Variants in MINDY4 observed in about 807,000 individuals in gnomAD.
MINDY4 encodes MINDY lysine 48 deubiquitinase 4, also known as probable ubiquitin carboxyl-terminal hydrolase MINDY-4.
MINDY4 carries 68 observed loss-of-function variants against 87.0 expected under a neutral mutation model. The ratio of observed to expected loss-of-function variants is 0.78; its 90% CI spans 0.64 to 0.96. MINDY4 has a LOEUF of 0.96. Among genes scored for constraint, MINDY4 ranks in the 40% least tolerant of loss-of-function variants. The pLI is 0.00. For synonymous variants in MINDY4, 379 were observed against 363.2 expected (o/e 1.04, Z -0.50); for missense variants, 919 against 928.2 (o/e 0.99, Z 0.13).
At chr7:30,847,870 T>A (rs544953284) in intron 9 of MINDY4, among the ~76,000 whole-genome samples, 42 of 152,240 alleles carry the variant, frequency 2.8e-4, no homozygotes, top group Non-Finnish European at 5.6e-4. Flanking sequence ...CTCCTGAGTA[T>A]CTGGGACTGC....
chr7:30,827,652 C>A (rs147139119), intron 5 of MINDY4, among the ~76,000 whole-genome samples: 17 of 152,208 alleles, frequency 1.1e-4, no homozygotes, highest in African/African-American at 4.1e-4. Flanking sequence ...TGAGGACTGC[C>A]TGGGAGGGAG....
intron 4 of MINDY4, chr7:30,786,658 G>A (rs1282093429): frequency 4.0e-5 from 6 of 148,326 alleles, no homozygotes; most frequent in African/African-American, 1.5e-4. Flanking sequence ...GGAAAAAACA[G>A]CATCTTTTAA....
At chr7:30,865,366 TGAA>T (rs1279338254) in intron 13 of MINDY4, among the ~76,000 whole-genome samples, 1 of 152,232 alleles carries the variant, frequency 6.6e-6, no homozygotes, top group Non-Finnish European at 1.5e-5. Flanking sequence ...GCCCCACTAA[TGAA>T]GATTTTCAGC....
At chr7:30,780,523 CA>C (rs1786975899) in intron 2 of MINDY4, 1 of 152,136 alleles carries the variant, frequency 6.6e-6, no homozygotes, top group Non-Finnish European at 1.5e-5. Context: ...AGCTGTTATA[CA>C]ATGAATCGGA....
In MINDY4 at chr7:30,872,253, G is replaced by A; in HGVS notation, c.1756G>A (p.Asp586Asn). 6.2e-7 allele frequency: 1 copy of A among 1,614,132 alleles called. No homozygotes were observed. The highest frequency in any genetic ancestry group is 8.5e-7 in the Non-Finnish European group (1 of 1,180,002). The change falls in exon 14 of 18, where the codon GAC (aspartate) becomes AAC (asparagine). Residue 586 changes from aspartate to asparagine, a missense_variant. Asp to Asn is a conservative substitution (Grantham distance 23, BLOSUM62 1). Coordinates refer to ENST00000265299, the MANE Select transcript of MINDY4 (RefSeq NM_032222.3). ...LSRSTELIRQDFDVPTSHLIG... is the reference protein window; with the variant it reads ...LSRSTELIRQNFDVPTSHLIG... ...TCTTGTGTTTTCCAGCATCCGCCAG[G>A]ACTTTGATGTCCCCACCAGCCACCT...
chr7:30,836,700 C>T lies in MINDY4; in HGVS notation c.1175C>T (p.Ser392Leu), dbSNP rs187366942. The change falls in exon 7 of 18, where the codon TCG (serine) becomes TTG (leucine). Residue 392 changes from serine to leucine, a missense_variant. Coordinates refer to ENST00000265299, the MANE Select transcript of MINDY4 (RefSeq NM_032222.3). ...TTGATAAGGGAAGAGGTCATCCTGT[C>T]GCCAGTCCCATCAGTGCTCAAGTTG... ...DELIREEVILSPVPSVLKLQT... is the reference protein window; with the variant it reads ...DELIREEVILLPVPSVLKLQT... The T allele has an allele frequency of 4.9e-3, 7,879 of 1,614,048 alleles. 41 individuals are homozygous for T. Among genetic ancestry groups the T allele is most frequent in the South Asian group, 9.0e-3 (821 of 91,048 alleles).
At chr7:30,778,019 C>G (rs1252484266) in intron 1 of MINDY4, among the ~76,000 whole-genome samples, 1 of 152,222 alleles carries the variant, frequency 6.6e-6, no homozygotes, top group East Asian at 1.9e-4. Context: ...TTACAGCCCC[C>G]ACCTGTGATG....
chr7:30,774,845 T>C (rs1285586944), intron 1 of MINDY4, among the ~76,000 whole-genome samples: 1 of 152,066 alleles, frequency 6.6e-6, no homozygotes, highest in East Asian at 1.9e-4. Context: ...GGACTTAGTT[T>C]ATGGCTCTCT....
intron 15 of MINDY4, among the ~76,000 whole-genome samples, chr7:30,877,422 C>T (rs1021390937): frequency 5.9e-5 from 9 of 152,208 alleles, no homozygotes; most frequent in African/African-American, 1.4e-4. Flanking sequence ...ACCATCTCCC[C>T]TCCTCGTGGG....
rs138976557 is a variant in MINDY4 at position 30,840,941 on chromosome 7, G to C, written c.1445+93G>C. The C allele has an allele frequency of 5.4e-4, 601 of 1,107,490 alleles. 1 individual carries two copies. The African/African-American group carries it at 7.9e-3, about 15-fold the overall frequency. 68.6% of individuals were successfully genotyped at this position (1,107,490 alleles called of 1,614,324 possible). On this transcript the variant is annotated intron_variant, in intron 9 of 17. Transcript: ENST00000265299. ...AAGCAAGGAAGCATGTGTGTTCCCT[G>C]ATATTTCCTGTCTTCTGCAGGTCAA...
chr7:30,774,206 C>A (rs979832214), intron 1 of MINDY4, among the ~76,000 whole-genome samples: 4 of 152,226 alleles, frequency 2.6e-5, no homozygotes, highest in Non-Finnish European at 4.4e-5. Context: ...CCTTCCCCAT[C>A]TAATTTCACT....
chr7:30,879,936 T>C (rs1790406615), intron 15 of MINDY4, among the ~76,000 whole-genome samples: 1 of 143,788 alleles, frequency 7.0e-6, no homozygotes, highest in East Asian at 2.0e-4. Context: ...TACTTAGTGA[T>C]ACAAAAAATA....
At chr7:30,829,716 T>C (rs1788637243) in intron 6 of MINDY4, among the ~76,000 whole-genome samples, 1 of 152,194 alleles carries the variant, frequency 6.6e-6, no homozygotes, top group South Asian at 2.1e-4. Flanking sequence ...GGTAGATGTC[T>C]GTGCATGGCT....
chr7:30,840,014 C>T (rs1186364847), intron 8 of MINDY4, among the ~76,000 whole-genome samples: 2 of 152,078 alleles, frequency 1.3e-5, no homozygotes, highest in African/African-American at 4.8e-5. Context: ...GAGGTCGAGC[C>T]CCAGGACCAC....
At chr7:30,835,171 C>T (rs1788820345) in intron 6 of MINDY4, among the ~76,000 whole-genome samples, 2 of 152,306 alleles carry the variant, frequency 1.3e-5, no homozygotes, top group Middle Eastern at 3.4e-3. Flanking sequence ...GGGCAATTTA[C>T]AAAAGAAAGT....
Position 30,791,339 on chromosome 7 carries a change from G to A in MINDY4, c.838G>A (p.Val280Ile), listed in dbSNP as rs759236849. 1.9e-5 allele frequency: 30 copies of A among 1,613,998 alleles called. No homozygotes were observed. The highest frequency in any genetic ancestry group is 2.4e-5 in the Non-Finnish European group (28 of 1,180,026). Residue 280 changes from valine (V) to isoleucine (I), a missense_variant, in exon 5 of 18, where the codon GTA becomes ATA. Val to Ile is a conservative substitution (Grantham distance 29). Transcript: ENST00000265299. The part of the protein sequence containing the change: ...TSLGQLSELT[V>I]ERQKTTASSP... ...CCTGGGTCAGCTTAGTGAACTGACC[G>A]TAGAAAGGCAGAAAACCACTGCCAG...
chr7:30,803,707 GA>G (rs1787727143), intron 5 of MINDY4, among the ~76,000 whole-genome samples: 1 of 152,144 alleles, frequency 6.6e-6, no homozygotes, highest in Non-Finnish European at 1.5e-5. Context: ...GGGTAGGGGG[GA>G]AAGTTTGCTG....
At chr7:30,848,291 G>A (rs1462488951) in intron 9 of MINDY4, among the ~76,000 whole-genome samples, 1 of 152,234 alleles carries the variant, frequency 6.6e-6, no homozygotes, top group Non-Finnish European at 1.5e-5. Flanking sequence ...ATGTGTATGT[G>A]CAATGGTGAT....
At chr7:30,809,931 C>T (rs1255059098) in intron 5 of MINDY4, among the ~76,000 whole-genome samples, 2 of 151,666 alleles carry the variant, frequency 1.3e-5, no homozygotes, top group African/African-American at 4.8e-5. Context: ...TAATCCCAGC[C>T]CTTTGGGAGG....
Sources: allele counts gnomAD v4.1 joint callset (sites outside exome capture counted in the v4.1 genomes callset), GRCh38; gene constraint gnomAD v4.1.1; transcripts MANE v1.5; gene names NCBI Gene and HGNC (gene_info 2026-07-23, HGNC 2026-07-21).